The following TTC14 variants were observed in gnomAD, a reference collection of about 807,000 sequenced individuals.
TTC14 encodes tetratricopeptide repeat domain 14, also known as tetratricopeptide repeat protein 14.
Under a neutral mutation model 79.9 loss-of-function variants are expected in TTC14, and 63 were observed. The observed-to-expected ratio is 0.79, with a 90% CI of 0.64 to 0.97. TTC14 has a LOEUF of 0.97. TTC14 is among the 50% of genes least tolerant of loss of function. The pLI is 0.00. For missense variants in TTC14, 895 were observed against 894.0 expected (o/e 1.00, Z -0.01); for synonymous variants, 335 against 309.6 (o/e 1.08, Z -0.86).
intron 12 of TTC14, chr3:180,616,170 G>A: frequency 3.7e-6 from 3 of 817,852 alleles, no homozygotes; most frequent in Non-Finnish European, 4.2e-6. Flanking sequence ...AAAGAACACT[G>A]GCAGTGAGTG....
downstream of TTC14, chr3:180,613,765 A>G (rs1304556645): frequency 7.0e-6 from 3 of 429,104 alleles, no homozygotes; most frequent in South Asian, 1.7e-5. Context: ...TAGGTCTTAT[A>G]AATCTCATGC....
Position 180,604,953 on chromosome 3 carries a change from A to T in TTC14, c.803A>T (p.Glu268Val). ...CCAGGAGTAGTTGAATTCCTTCTAGAAAAACTAGGAATAGATGAATCTAAT... is the reference window on the plus strand; with the variant it reads ...CCAGGAGTAGTTGAATTCCTTCTAGTAAAACTAGGAATAGATGAATCTAAT... ...VNPGVVEFLLEKLGIDESNPP... is the reference protein window; with the variant it reads ...VNPGVVEFLLVKLGIDESNPP... The change falls in exon 6 of 12, where the codon GAA (glutamate) becomes GTA (valine). Residue 268 changes from glutamate to valine, a missense_variant. Transcript: ENST00000296015. 6.2e-7 allele frequency: 1 copy of T among 1,614,074 alleles called. No individual in the cohort carries two copies. Among genetic ancestry groups the T allele is most frequent in the Admixed American group, 1.7e-5 (1 of 60,008 alleles).
At chr3:180,605,677 C>T (rs1301103850) in intron 6 of TTC14, 89 bp from the exon 7 acceptor site, 1 of 855,994 alleles carries the variant, frequency 1.2e-6, no homozygotes, top group Admixed American at 3.3e-5. Flanking sequence ...TTCATACTTT[C>T]ACTGTCGAGT....
At position 180,616,173 on chromosome 3, in the gene TTC14, A is replaced by C; in HGVS notation, c.1775-1207A>C. On this transcript the variant is annotated intron_variant, in intron 12 of 12. Transcript: ENST00000382584. Reference sequence around the variant, plus strand: ...GTCTGACAGTGAAAAGAACACTGGCAGTGAGTGCATGGGCCTGCCTAACAG... The same window carrying C: ...GTCTGACAGTGAAAAGAACACTGGCCGTGAGTGCATGGGCCTGCCTAACAG... The C allele has an allele frequency of 1.3e-5, 11 of 837,296 alleles. 1 individual carries two copies. The South Asian group carries it at 1.4e-4, about 11-fold the overall frequency. The allele number at this position is 837,296 out of a possible 1,614,324, so 51.9% of individuals were successfully genotyped here.
chr3:180,611,446 G>A (rs1163796925), downstream of TTC14, among the ~76,000 whole-genome samples: 2 of 152,168 alleles, frequency 1.3e-5, no homozygotes, highest in Non-Finnish European at 2.9e-5. Context: ...TAGGCATGTC[G>A]TTAAATCTGA....
At chr3:180,613,160 T>A (rs532993633), downstream of TTC14, among the ~76,000 whole-genome samples, 2 of 152,274 alleles carry the variant, frequency 1.3e-5, no homozygotes, top group African/African-American at 2.4e-5. Flanking sequence ...TTAAGCAGAG[T>A]ATACAAACCA....
At position 180,610,682 on chromosome 3, in the gene TTC14, A is replaced by C. The variant is rs1189967708; in HGVS notation, c.*140A>C. Reference sequence around the variant, plus strand: ...TACAGGAAACAAATGCTTTTAAGTAAGTTTTTCTCAAATTTTGTTTCAGTT... The same window carrying C: ...TACAGGAAACAAATGCTTTTAAGTACGTTTTTCTCAAATTTTGTTTCAGTT... On this transcript the variant is annotated 3_prime_UTR_variant, in exon 12 of 12. Transcript: ENST00000296015. The C allele has an allele frequency of 5.0e-6, 7 of 1,403,728 alleles. No individual in the cohort carries two copies. The highest frequency in any genetic ancestry group is 2.6e-5 in the East Asian group (1 of 38,666). The allele number at this position is 1,403,728 out of a possible 1,614,324, so 87.0% of individuals were successfully genotyped here.
chr3:180,607,289 A>G (rs1716749561), intron 9 of TTC14, among the ~76,000 whole-genome samples: 1 of 152,156 alleles, frequency 6.6e-6, no homozygotes, highest in Non-Finnish European at 1.5e-5. Flanking sequence ...AAGATTTCCA[A>G]AATTTTCTGT....
At chr3:180,606,208 A>C in intron 7 of TTC14, 45 bp from the exon 8 acceptor site, 1 of 1,599,116 alleles carries the variant, frequency 6.3e-7, no homozygotes, top group South Asian at 1.1e-5. Context: ...TTTTATTTAG[A>C]TATTGTTTGA....
At chr3:180,616,770 A>G (rs941646257) in intron 12 of TTC14, 43 of 1,585,284 alleles carry the variant, frequency 2.7e-5, no homozygotes, top group Non-Finnish European at 3.5e-5. Flanking sequence ...ATGAAGGAGG[A>G]TTTGGGACTT....
exon 13 of TTC14, chr3:180,617,583 T>A: frequency 2.1e-6 from 1 of 468,174 alleles, no homozygotes; most frequent in Non-Finnish European, 3.8e-6. Context: ...GGTTTATGTG[T>A]GTGTATGTGT....
chr3:180,615,683 T>C (rs1717206271), downstream of TTC14, among the ~76,000 whole-genome samples: 1 of 152,174 alleles, frequency 6.6e-6, no homozygotes, highest in Non-Finnish European at 1.5e-5. Context: ...AAGTAGCTGC[T>C]GAATGCAGGA....
chr3:180,612,661 C>CAGG (rs58349211), downstream of TTC14, among the ~76,000 whole-genome samples: 6,385 of 152,220 alleles, frequency 0.042, 462 homozygotes, highest in African/African-American at 0.15. Context: ...CGCTTGAGCC[C>CAGG]AGGAGTTCGA....
rs747373017 is a variant in TTC14, at chr3:180,604,579, A to G, written c.673A>G (p.Ser225Gly). 1.2e-6 allele frequency: 2 copies of G among 1,608,218 alleles called. No individual in the cohort carries two copies. Residue 225 changes from serine (S) to glycine (G), a missense_variant, in exon 5 of 12, where the codon AGC becomes GGC. Transcript: ENST00000296015. ...HLSGIKLGVI[S>G]SEELPLYYRR... The stretch of plus-strand genomic sequence containing the variant: ...ATCTGGTATTAAATTAGGTGTAATT[A>G]GCTCTGAAGAGCTTCCTTTATACTA...
chr3:180,607,642 A>G lies in TTC14; in HGVS notation c.1173-6A>G. 1 of 1,594,858 alleles carries G rather than the reference A, an allele frequency of 6.3e-7. No homozygotes were observed. On this transcript the variant is annotated splice_region_variant and splice_polypyrimidine_tract_variant and intron_variant, in intron 9 of 11. Coordinates refer to ENST00000296015, the MANE Select transcript of TTC14 (RefSeq NM_133462.4). ...CAAAAAAGCTAAATCTTTCTTTCAA[A>G]TTTAGGTTAGAAGAAGAAGAAAAGT... is the stretch of plus-strand genomic sequence containing the variant.
chr3:180,609,630 G>T lies in TTC14; in HGVS notation c.1401G>T (p.Arg467Ser). The change falls in exon 12 of 12, where the codon AGG (arginine) becomes AGT (serine). Residue 467 changes from arginine to serine, a missense_variant and splice_region_variant. Arg to Ser is a moderately radical substitution (Grantham distance 110, BLOSUM62 -1). Coordinates refer to ENST00000296015, the MANE Select transcript of TTC14 (RefSeq NM_133462.4). ...KLRKLLKEEK[R>S]LKKKRRKSTS... is the part of the protein sequence containing the mutation. ...ATGACAAATGAACTGTTTTTTTTAG[G>T]CTAAAGAAGAAAAGAAGAAAATCAA... 6.5e-7 allele frequency: 1 copy of T among 1,540,610 alleles called. No individual in the cohort carries two copies. The highest frequency in any genetic ancestry group is 8.7e-7 in the Non-Finnish European group (1 of 1,150,670).
intron 6 of TTC14, chr3:180,605,442 A>ATT: frequency 9.2e-6 from 2 of 216,224 alleles, no homozygotes; most frequent in East Asian, 1.6e-4. Context: ...CGCCTGGCTA[A>ATT]TTTTTTTTTC....
At position 180,602,202 on chromosome 3, in the gene TTC14, A is replaced by G. The variant is rs892290548; in HGVS notation, c.-60A>G. 3.3e-5 allele frequency: 53 copies of G among 1,587,988 alleles called. No homozygotes were observed. Among genetic ancestry groups the G allele is most frequent in the Middle Eastern group, 1.7e-4 (1 of 5,944 alleles). ...GCTTCCTGTACCACCCGGCTCAAGT[A>G]GCGGACACGGAACAGGGAACTATCA... On this transcript the variant is annotated 5_prime_UTR_variant, in exon 1 of 12. Coordinates refer to ENST00000296015, the MANE Select transcript of TTC14 (RefSeq NM_133462.4).
intron 7 of TTC14, 197 bp downstream of exon 7, chr3:180,606,034 T>A: frequency 1.2e-6 from 1 of 825,950 alleles, no homozygotes; most frequent in South Asian, 1.9e-5. Context: ...CATTTCAGTT[T>A]TCTCAAAAGG....
Sources: gnomAD v4.1 joint callset for allele counts (sites outside exome capture counted in the v4.1 genomes callset) on GRCh38, gnomAD v4.1.1 for gene constraint, MANE v1.5 for transcripts, NCBI Gene and HGNC (gene_info 2026-07-23, HGNC 2026-07-21) for gene names.